The following CCDC7 variants were observed in gnomAD, a reference collection of about 807,000 sequenced individuals.
The protein encoded by CCDC7 is coiled-coil domain containing 7.
In CCDC7, 183 loss-of-function variants were observed where a neutral mutation model predicts 196.9. The observed-to-expected ratio is 0.93, with a 90% CI of 0.82 to 1.05. The LOEUF (loss-of-function observed/expected upper bound fraction) is 1.05. CCDC7 is among the 50% of genes least tolerant of loss of function. The pLI, the probability that CCDC7 is intolerant of heterozygous loss-of-function variation, is 0.00. For synonymous variants in CCDC7, 525 were observed against 484.6 expected (o/e 1.08, Z -1.10); for missense variants, 1,540 against 1,482.2 (o/e 1.04, Z -0.64).
At chr10:32,853,156 TGG>T (rs1219702809) in intron 40 of CCDC7, among the ~76,000 whole-genome samples, 1 of 152,114 alleles carries the variant, frequency 6.6e-6, no homozygotes, top group African/African-American at 2.4e-5. Flanking sequence ...TCCTATAATT[TGG>T]GTTTTTTTTT....
intron 21 of CCDC7, among the ~76,000 whole-genome samples, chr10:32,677,930 T>G (rs1161633858): frequency 6.6e-6 from 1 of 152,096 alleles, no homozygotes; most frequent in African/African-American, 2.4e-5. Context: ...AATAAGAAAT[T>G]TCAAAGGACC....
At chr10:32,479,043 A>G (rs1427679515) in intron 8 of CCDC7, among the ~76,000 whole-genome samples, 1 of 152,170 alleles carries the variant, frequency 6.6e-6, no homozygotes, top group Non-Finnish European at 1.5e-5. Flanking sequence ...GTGAGTTTCC[A>G]AGAATTTGTC....
At chr10:32,862,555 A>G (rs949457667) in intron 41 of CCDC7, among the ~76,000 whole-genome samples, 11 of 149,328 alleles carry the variant, frequency 7.4e-5, no homozygotes, top group Non-Finnish European at 1.3e-4. Flanking sequence ...CTTAAGGTAT[A>G]ATAATAAAAA....
At chr10:32,568,106 A>G (rs751854536) in intron 15 of CCDC7, among the ~76,000 whole-genome samples, 4 of 146,700 alleles carry the variant, frequency 2.7e-5, no homozygotes, top group Non-Finnish European at 5.9e-5. Flanking sequence ...TCCCTGGTTC[A>G]AGGGATTCTC....
rs12246584 is a variant in CCDC7 at position 32,707,507 on chromosome 10, A to G, written c.2459-4113A>G. Among the ~76,000 whole-genome samples the G allele has an allele frequency of 4.0e-3, 602 of 152,330 alleles. 3 individuals are homozygous for G. Among genetic ancestry groups the G allele is most frequent in the African/African-American group, 0.013 (560 of 41,570 alleles). ...AGGAGAAGGAAATAAAAGGTATTCAATTAGGAAAAGAGGAAGTCAAATTAT... is the reference window on the plus strand; with the variant it reads ...AGGAGAAGGAAATAAAAGGTATTCAGTTAGGAAAAGAGGAAGTCAAATTAT... On this transcript the variant is annotated intron_variant, in intron 24 of 41. Coordinates refer to ENST00000639629, the Ensembl canonical transcript of CCDC7.
intron 18 of CCDC7, among the ~76,000 whole-genome samples, chr10:32,600,507 A>C (rs1323966752): frequency 6.6e-6 from 1 of 152,100 alleles, no homozygotes; most frequent in Non-Finnish European, 1.5e-5. Flanking sequence ...ATCGGCAAAC[A>C]AAAATAGTTT....
chr10:32,545,185 A>G (rs1268525160), intron 13 of CCDC7, among the ~76,000 whole-genome samples: 2 of 152,158 alleles, frequency 1.3e-5, no homozygotes, highest in African/African-American at 2.4e-5. Context: ...CAAGCTTTTT[A>G]ATGAACTTGC....
At chr10:32,480,348 G>A (rs2134111323) in intron 8 of CCDC7, among the ~76,000 whole-genome samples, 1 of 151,532 alleles carries the variant, frequency 6.6e-6, no homozygotes, top group South Asian at 2.1e-4. Flanking sequence ...TTAGAGATAG[G>A]GTCTTGCTCT....
intron 20 of CCDC7, among the ~76,000 whole-genome samples, chr10:32,637,703 G>T (rs111763690): frequency 0.043 from 6,470 of 152,166 alleles, 466 homozygotes; most frequent in African/African-American, 0.15. Flanking sequence ...GAATTGACTT[G>T]GTGATGTGGG....
At chr10:32,506,225 G>A (rs2045056296) in intron 9 of CCDC7, among the ~76,000 whole-genome samples, 1 of 147,596 alleles carries the variant, frequency 6.8e-6, no homozygotes, top group South Asian at 2.2e-4. Context: ...AGACGGGGTG[G>A]CCGGGCAGAG....
intron 18 of CCDC7, 115 bp downstream of exon 19, chr10:32,584,419 G>T (rs2059031380): frequency 1.6e-6 from 1 of 612,392 alleles, no homozygotes; most frequent in East Asian, 3.1e-5. Flanking sequence ...CAACTTGTTA[G>T]GGAGTCACTG....
At chr10:32,733,664 C>T (rs971014640) in intron 28 of CCDC7, among the ~76,000 whole-genome samples, 2 of 151,922 alleles carry the variant, frequency 1.3e-5, no homozygotes, top group African/African-American at 4.8e-5. Flanking sequence ...TGAGGTTTTT[C>T]TGTTTATTCT....
chr10:32,597,923 G>T (rs529492993), intron 18 of CCDC7, among the ~76,000 whole-genome samples: 5 of 152,168 alleles, frequency 3.3e-5, no homozygotes, highest in East Asian at 1.9e-4. Flanking sequence ...CTACTGGGAG[G>T]TGCCTCCCAA....
At chr10:32,474,114 A>G in intron 8 of CCDC7, 91 bp downstream of exon 9, 2 of 1,313,252 alleles carry the variant, frequency 1.5e-6, no homozygotes, top group Non-Finnish European at 2.0e-6. Flanking sequence ...AACAGTGCAG[A>G]CTCCTTGCCT....
At chr10:32,585,801 C>A (rs1251498319) in intron 18 of CCDC7, among the ~76,000 whole-genome samples, 1 of 152,044 alleles carries the variant, frequency 6.6e-6, no homozygotes, top group Non-Finnish European at 1.5e-5. Context: ...TGGTTCCAAG[C>A]CTTTGTTATT....
intron 8 of CCDC7, among the ~76,000 whole-genome samples, chr10:32,488,124 T>G (rs561806741): frequency 6.6e-5 from 10 of 152,338 alleles, no homozygotes; most frequent in Non-Finnish European, 1.2e-4. Context: ...GAGCTGTGGT[T>G]GGCTCCACCC....
At chr10:32,663,516 A>G (rs140313015) in intron 20 of CCDC7, among the ~76,000 whole-genome samples, 137 of 151,818 alleles carry the variant, frequency 9.0e-4, no homozygotes, top group African/African-American at 2.9e-3. Flanking sequence ...TTCTATTTCA[A>G]TTTTTTCTCA....
chr10:32,800,025 G>T (rs541965376), intron 29 of CCDC7, among the ~76,000 whole-genome samples: 1 of 152,334 alleles, frequency 6.6e-6, no homozygotes, highest in African/African-American at 2.4e-5. Context: ...GGTATCAGGA[G>T]ATGTGTTAAT....
chr10:32,454,467 C>G (rs970448355), intron 2 of CCDC7, among the ~76,000 whole-genome samples: 1 of 151,992 alleles, frequency 6.6e-6, no homozygotes, highest in Admixed American at 6.6e-5. Flanking sequence ...CTATCGGGTA[C>G]TGTGCTCAGT....
Sources: gnomAD v4.1 joint callset for allele counts (sites outside exome capture counted in the v4.1 genomes callset) on GRCh38, gnomAD v4.1.1 for gene constraint, MANE v1.5 for transcripts, NCBI Gene and HGNC (gene_info 2026-07-23, HGNC 2026-07-21) for gene names.